The following CDC40 variants were observed in gnomAD, a reference collection of about 807,000 sequenced individuals.
CDC40 encodes the protein pre-mRNA-processing factor 17.
Under a neutral mutation model 80.6 loss-of-function variants are expected in CDC40, and 27 were observed. That is an observed-to-expected ratio of 0.33 (90% CI 0.25 to 0.46). The LOEUF (loss-of-function observed/expected upper bound fraction) is 0.46, where lower values mean the gene tolerates loss of function less well. Ranked by LOEUF, CDC40 falls within the 20% of genes least tolerant of loss-of-function variation. CDC40 has a pLI of 1.00. For synonymous variants in CDC40, 221 were observed against 232.6 expected (o/e 0.95, Z 0.45); for missense variants, 486 against 694.1 (o/e 0.70, Z 3.37).
intron 1 of CDC40, among the ~76,000 whole-genome samples, chr6:110,183,369 T>C (rs1367052998): frequency 6.6e-6 from 1 of 152,198 alleles, no homozygotes; most frequent in Non-Finnish European, 1.5e-5. Flanking sequence ...AGTATGCACA[T>C]TAAGAATCAG....
intron 13 of CDC40, among the ~76,000 whole-genome samples, chr6:110,228,288 C>T (rs146065880): frequency 4.6e-5 from 7 of 152,136 alleles, no homozygotes; most frequent in Non-Finnish European, 1.0e-4. Context: ...TGACTATAGA[C>T]GCTGCAGTTT....
At chr6:110,197,579 C>T (rs968419757) in intron 2 of CDC40, among the ~76,000 whole-genome samples, 1 of 151,956 alleles carries the variant, frequency 6.6e-6, no homozygotes, top group Non-Finnish European at 1.5e-5. Flanking sequence ...CCCAAAACCC[C>T]TCCATCCCAT....
In CDC40 at chr6:110,201,626, C is replaced by T. The variant is rs34592146; in HGVS notation, c.345C>T (p.Ala115=). ...CTAGAAATATGCTTTCTGGATATGC[C>T]GAACCAGCTCATATCAATGATTTCA... is the stretch of plus-strand genomic sequence containing the variant. ...AAPRNMLSGY[A]EPAHINDFMF... Residue 115 remains alanine, a synonymous_variant, in exon 3 of 15, where the codon GCC becomes GCT. Transcript: ENST00000307731. 1.0e-4 allele frequency: 164 copies of T among 1,612,848 alleles called. No individual in the cohort carries two copies. The highest frequency in any genetic ancestry group is 8.9e-4 in the East Asian group (40 of 44,850).
intron 5 of CDC40, among the ~76,000 whole-genome samples, chr6:110,210,081 G>A (rs1777615869): frequency 6.6e-6 from 1 of 152,024 alleles, no homozygotes; most frequent in South Asian, 2.1e-4. Flanking sequence ...TCTGAAACTA[G>A]ATTTTCTGAT....
At chr6:110,182,313 C>T (rs1358813460) in intron 1 of CDC40, among the ~76,000 whole-genome samples, 2 of 152,326 alleles carry the variant, frequency 1.3e-5, no homozygotes, top group East Asian at 3.9e-4. Flanking sequence ...TTCTATCCTC[C>T]TTGCTAGCTT....
chr6:110,216,147 A>G (rs148241895), intron 9 of CDC40, among the ~76,000 whole-genome samples: 135 of 152,314 alleles, frequency 8.9e-4, no homozygotes, highest in African/African-American at 3.1e-3. Context: ...CTAAAGCATA[A>G]AAAAAGGATG....
intron 4 of CDC40, among the ~76,000 whole-genome samples, chr6:110,208,685 G>A (rs1777594104): frequency 6.6e-6 from 1 of 152,112 alleles, no homozygotes; most frequent in African/African-American, 2.4e-5. Context: ...GCTTCCAAAT[G>A]TCACTTTATT....
intron 4 of CDC40, among the ~76,000 whole-genome samples, 197 bp downstream of exon 4, chr6:110,207,786 T>A (rs781138285): frequency 2.0e-5 from 3 of 152,210 alleles, no homozygotes; most frequent in Non-Finnish European, 2.9e-5. Context: ...CGCTTACTAG[T>A]TGTGGAATCT....
chr6:110,190,062 C>T (rs1351191191), intron 1 of CDC40, among the ~76,000 whole-genome samples: 2 of 152,088 alleles, frequency 1.3e-5, no homozygotes, highest in Non-Finnish European at 2.9e-5. Flanking sequence ...TGCTGAATGC[C>T]CTGCGTTCTA....
intron 3 of CDC40, among the ~76,000 whole-genome samples, chr6:110,205,843 G>A (rs1263423036): frequency 6.6e-6 from 1 of 152,112 alleles, no homozygotes; most frequent in Non-Finnish European, 1.5e-5. Context: ...GTTATGTGCA[G>A]AACACTTCTG....
intron 1 of CDC40, among the ~76,000 whole-genome samples, chr6:110,185,247 T>TC (rs1777251033): frequency 7.0e-6 from 1 of 143,808 alleles, no homozygotes; most frequent in South Asian, 2.3e-4. Context: ...TTTTCTTTTT[T>TC]TTTTTTTTTT....
At chr6:110,200,743 A>G (rs1777484209) in intron 2 of CDC40, among the ~76,000 whole-genome samples, 1 of 152,182 alleles carries the variant, frequency 6.6e-6, no homozygotes, top group African/African-American at 2.4e-5. Flanking sequence ...CAGGTAAAAT[A>G]CATTGCCTTT....
chr6:110,209,298 T>C (rs1777603127), intron 5 of CDC40, 75 bp downstream of exon 5: 1 of 1,347,414 alleles, frequency 7.4e-7, no homozygotes, highest in South Asian at 1.3e-5. Context: ...ATTAATAAAC[T>C]TGAGATTTCT....
chr6:110,200,483 C>T (rs1777480972), intron 2 of CDC40, among the ~76,000 whole-genome samples: 1 of 152,076 alleles, frequency 6.6e-6, no homozygotes, highest in East Asian at 1.9e-4. Flanking sequence ...TCGCCCTTTC[C>T]AAAGTGGGAA....
At chr6:110,226,833 A>G (rs1294126962) in intron 13 of CDC40, among the ~76,000 whole-genome samples, 1 of 152,166 alleles carries the variant, frequency 6.6e-6, no homozygotes, top group Non-Finnish European at 1.5e-5. Context: ...CCTGGGCAAC[A>G]TAGAGAGACC....
intron 12 of CDC40, among the ~76,000 whole-genome samples, chr6:110,221,848 A>C (rs116718591): frequency 0.012 from 1,840 of 151,662 alleles, 37 homozygotes; most frequent in African/African-American, 0.043. Context: ...AAACTAGCAG[A>C]TAATGTTAGT....
chr6:110,191,041 T>G (rs1433077407), intron 1 of CDC40, among the ~76,000 whole-genome samples: 2 of 152,038 alleles, frequency 1.3e-5, no homozygotes, highest in African/African-American at 2.4e-5. Context: ...ATATGGGCAG[T>G]TTAGAGAGGA....
At position 110,231,748 on chromosome 6, in the gene CDC40, C is replaced by T. The variant is rs1425172585; in HGVS notation, c.*1617C>T. The T allele has an allele frequency of 1.3e-5, 2 of 150,886 alleles. No individual in the cohort carries two copies. The highest frequency in any genetic ancestry group is 2.9e-5 in the Non-Finnish European group (2 of 67,808). 9.3% of individuals were successfully genotyped at this position (150,886 alleles called of 1,614,324 possible). A position where few individuals can be genotyped will look rare whatever the true frequency, so the allele number is the denominator to read the frequency against. Reference sequence around the variant, plus strand: ...TCCAGTGAGGTCATAGCAGTGTATGCTCCTTGCCCTTACGGAGTGTCTGTT... The same window carrying T: ...TCCAGTGAGGTCATAGCAGTGTATGTTCCTTGCCCTTACGGAGTGTCTGTT... On this transcript the variant is annotated 3_prime_UTR_variant, in exon 15 of 15. Transcript: ENST00000307731.
chr6:110,192,751 G>C (rs930441953), intron 1 of CDC40, among the ~76,000 whole-genome samples: 2 of 152,126 alleles, frequency 1.3e-5, no homozygotes, highest in African/African-American at 2.4e-5. Context: ...GAAGATTCAG[G>C]CCCTGTCACT....
Sources: gnomAD v4.1 joint callset for allele counts (sites outside exome capture counted in the v4.1 genomes callset) on GRCh38, gnomAD v4.1.1 for gene constraint, MANE v1.5 for transcripts, NCBI Gene and HGNC (gene_info 2026-07-23, HGNC 2026-07-21) for gene names.